The following LMOD2 variants were observed in gnomAD, a reference collection of about 807,000 sequenced individuals.
LMOD2 encodes the protein leiomodin-2.
A neutral mutation model predicts 41.7 loss-of-function variants in LMOD2; 27 were observed. That is an observed-to-expected ratio of 0.65 (90% confidence interval 0.48 to 0.89). The LOEUF is 0.89. Ranked by LOEUF, LMOD2 falls within the 40% of genes least tolerant of loss-of-function variation. The pLI, the probability that LMOD2 is intolerant of heterozygous loss-of-function variation, is 0.00. For synonymous variants in LMOD2, 251 were observed against 244.6 expected, an observed-to-expected ratio of 1.03 and a Z score of -0.25; for missense variants, 624 against 667.9, an observed-to-expected ratio of 0.93 and a Z score of 0.72.
Position 123,664,002 on chromosome 7 carries a change from G to T in LMOD2, c.*257G>T. 1 of 442,218 alleles carries T rather than the reference G, an allele frequency of 2.3e-6. No homozygotes were observed. Among genetic ancestry groups the T allele is most frequent in the South Asian group, 4.6e-5 (1 of 21,722 alleles). The allele number at this position is 442,218 out of a possible 1,614,324, so 27.4% of individuals were successfully genotyped here. On this transcript the variant is annotated 3_prime_UTR_variant, in exon 3 of 3. Transcript: ENST00000458573. Reference sequence around the variant, plus strand: ...ATTTAAAGATGCTCTTCCTATCTGTGGATGTGTTGGTAACTCCGAGTTGTA... The same window carrying T: ...ATTTAAAGATGCTCTTCCTATCTGTTGATGTGTTGGTAACTCCGAGTTGTA...
rs1409213172 is a variant in LMOD2 at position 123,663,084 on chromosome 7, C to G, written c.1498C>G (p.Leu500Val). The G allele has an allele frequency of 1.5e-5, 24 of 1,559,830 alleles. No homozygotes were observed. Among genetic ancestry groups the G allele is most frequent in the Middle Eastern group, 1.7e-4 (1 of 6,030 alleles). ...NSILKEIKNS[L>V]RSVQEKKMED... ...TATTCTAAAGGAAATAAAAAATTCT[C>G]TGAGGTCAGTGCAAGAGAAGAAAAT... Residue 500 changes from leucine to valine, a missense_variant, in exon 2 of 3, where the codon CTG (leucine) becomes GTG (valine). Transcript: ENST00000458573.
chr7:123,662,160 C>T lies in LMOD2; in HGVS notation c.574C>T (p.Pro192Ser), dbSNP rs1231882800. ...CACAGAGTCCCCAGCTGCCATTCACCCTTGTGGAAATCCTACAGTGATTGA... is the reference window on the plus strand; with the variant it reads ...CACAGAGTCCCCAGCTGCCATTCACTCTTGTGGAAATCCTACAGTGATTGA... ...RNTESPAAIH[P>S]CGNPTVIEDA... is the part of the protein sequence containing the mutation. Residue 192 changes from proline (P) to serine (S), a missense_variant, in exon 2 of 3, where the codon CCT becomes TCT. Transcript: ENST00000458573. The surrounding 1 kb of genome is among the most constrained non-coding windows in gnomAD (Gnocchi z 4.0). 6.2e-7 allele frequency: 1 copy of T among 1,613,778 alleles called. No individual in the cohort carries two copies. Among genetic ancestry groups the T allele is most frequent in the Non-Finnish European group, 8.5e-7 (1 of 1,179,818 alleles).
At chr7:123,663,459 C>T (rs1284577718) in intron 2 of LMOD2, 6 of 605,022 alleles carry the variant, frequency 9.9e-6, no homozygotes, top group Non-Finnish European at 1.7e-5. Flanking sequence ...ATACACGTCC[C>T]AATTCCCTTA....
chr7:123,656,213 G>A lies in LMOD2; in HGVS notation c.250G>A (p.Glu84Lys). ...GGAGTCCCAAAAACTCTTGGAGAAG[G>A]AGAGGCTGGGGGAATGTGGAAAGGT... Reference protein sequence around the residue: ...EKESQKLLEKERLGECGKVAE... With the variant: ...EKESQKLLEKKRLGECGKVAE... Residue 84 changes from glutamate to lysine, a missense_variant, in exon 1 of 3, where the codon GAG becomes AAG. By Grantham distance (56) the Glu-to-Lys change is moderately conservative. Coordinates refer to ENST00000458573, the MANE Select transcript of LMOD2 (RefSeq NM_207163.3). 1 of 1,608,836 alleles carries A rather than the reference G, an allele frequency of 6.2e-7. No individual in the cohort carries two copies. The highest frequency in any genetic ancestry group is 8.5e-7 in the Non-Finnish European group (1 of 1,177,938).
rs1479712021 is a variant in LMOD2, at chr7:123,662,128, G to A, written c.542G>A (p.Gly181Glu). Residue 181 changes from glycine (G) to glutamate (E), a missense_variant, in exon 2 of 3, where the codon GGG (glycine) becomes GAG (glutamate). Physicochemically the swap from Gly to Glu is moderately conservative, Grantham distance 98. Coordinates refer to ENST00000458573, the MANE Select transcript of LMOD2 (RefSeq NM_207163.3). The surrounding 1 kb of genome is among the most constrained non-coding windows in gnomAD (Gnocchi z 4.0). Reference protein sequence around the residue: ...ENINLTNGSNGRNTESPAAIH... With the variant: ...ENINLTNGSNERNTESPAAIH... Reference sequence around the variant, plus strand: ...ATAAATTTGACCAATGGCAGCAATGGGAGGAACACAGAGTCCCCAGCTGCC... The same window carrying A: ...ATAAATTTGACCAATGGCAGCAATGAGAGGAACACAGAGTCCCCAGCTGCC... 6.2e-7 allele frequency: 1 copy of A among 1,613,210 alleles called. No homozygotes were observed.
intron 1 of LMOD2, among the ~76,000 whole-genome samples, chr7:123,657,010 C>G (rs75710640): frequency 6.6e-6 from 1 of 152,150 alleles, no homozygotes; most frequent in Non-Finnish European, 1.5e-5. Context: ...CATCTGAGGA[C>G]TCAGGGGCAG....
intron 1 of LMOD2, among the ~76,000 whole-genome samples, chr7:123,659,615 AGCAAATAATTATTGAGCTCCTACTACAT>A (rs1335530531): frequency 6.6e-6 from 1 of 152,198 alleles, no homozygotes; most frequent in Non-Finnish European, 1.5e-5. Flanking sequence ...CCATTCAGTA[AGCAAATAATTATTGAGCTCCTACTACAT>A]GCTAAGCACT....
chr7:123,658,465 C>T lies in LMOD2; in HGVS notation c.273+2229C>T, dbSNP rs147570844. On this transcript the variant is annotated intron_variant, in intron 1 of 2. Coordinates refer to ENST00000458573, the MANE Select transcript of LMOD2 (RefSeq NM_207163.3). ...CGGAGGGTCTTGATTGATTATCAGG[C>T]GGCTGGCTCTGTAAAGGCTTATAAA... Among the ~76,000 whole-genome samples, 559 of 152,272 alleles carry T rather than the reference C, an allele frequency of 3.7e-3. 3 individuals carry two copies. Among genetic ancestry groups the T allele is most frequent in the African/African-American group, 0.013 (535 of 41,556 alleles).
At position 123,655,876 on chromosome 7, in the gene LMOD2, C is replaced by T; in HGVS notation, c.-88C>T. On this transcript the variant is annotated 5_prime_UTR_variant, in exon 1 of 3. Transcript: ENST00000458573. Reference sequence around the variant, plus strand: ...GCCACTCCTAGCACCAGTTGTTGACCAGCCTGCCACTTGCCTCCCTGCCTG... The same window carrying T: ...GCCACTCCTAGCACCAGTTGTTGACTAGCCTGCCACTTGCCTCCCTGCCTG... 8.0e-7 allele frequency: 1 copy of T among 1,253,742 alleles called. No individual in the cohort carries two copies. Among genetic ancestry groups the T allele is most frequent in the African/African-American group, 1.5e-5 (1 of 67,436 alleles). The allele number at this position is 1,253,742 out of a possible 1,614,324, so 77.7% of individuals were successfully genotyped here.
Position 123,664,112 on chromosome 7 carries a change from T to C in LMOD2, c.*367T>C, listed in dbSNP as rs564005258. ...TTCCCTTTTTTTAAAGCCAAACTAA[T>C]ATTTTTCTGTGACTTGATACATCTG... On this transcript the variant is annotated 3_prime_UTR_variant, in exon 3 of 3. Coordinates refer to ENST00000458573, the MANE Select transcript of LMOD2 (RefSeq NM_207163.3). 1.2e-3 allele frequency: 235 copies of C among 194,392 alleles called. 1 individual carries two copies. Among genetic ancestry groups the C allele is most frequent in the African/African-American group, 5.0e-3 (216 of 43,126 alleles). The allele number at this position is 194,392 out of a possible 1,614,324, so 12.0% of individuals were successfully genotyped here.
At chr7:123,661,056 T>C (rs368802937) in intron 1 of LMOD2, among the ~76,000 whole-genome samples, 5 of 152,178 alleles carry the variant, frequency 3.3e-5, no homozygotes, top group East Asian at 3.9e-4. Flanking sequence ...AGGTTTCAAG[T>C]TGATTTTCCC....
chr7:123,662,852 T>TCCTCCTCCC lies in LMOD2; in HGVS notation c.1275_1283dup (p.Pro431_Pro433dup), dbSNP rs751180656. ...CTCTGTCTCCTGTGGCCACACCTCC[T>TCCTCCTCCC]CCTCCTCCCCCTCCTCCTCCTCCTC... is the stretch of plus-strand genomic sequence containing the variant. On this transcript the variant is annotated inframe_insertion, in exon 2 of 3. Transcript: ENST00000458573. This position sits in a 1 kb window ranked among gnomAD's most constrained non-coding sequence, Gnocchi z 4.0. 1.9e-6 allele frequency: 3 copies of TCCTCCTCCC among 1,596,066 alleles called. No homozygotes were observed. Among genetic ancestry groups the TCCTCCTCCC allele is most frequent in the Non-Finnish European group, 2.6e-6 (3 of 1,171,740 alleles).
rs371400622 is a variant in LMOD2, at chr7:123,656,021, G to A, written c.58G>A (p.Glu20Lys). The A allele has an allele frequency of 6.2e-7, 1 of 1,609,902 alleles. No homozygotes were observed. Among genetic ancestry groups the A allele is most frequent in the African/African-American group, 1.3e-5 (1 of 74,874 alleles). Residue 20 changes from glutamate (E) to lysine (K), a missense_variant, in exon 1 of 3, where the codon GAA (glutamate) becomes AAA (lysine). Coordinates refer to ENST00000458573, the MANE Select transcript of LMOD2 (RefSeq NM_207163.3). Reference sequence around the variant, plus strand: ...TAAATACGAATCCATCGACGAGGATGAACTCCTCGCCTCCCTGTCAGCCGA... The same window carrying A: ...TAAATACGAATCCATCGACGAGGATAAACTCCTCGCCTCCCTGTCAGCCGA... ...LSKYESIDED[E>K]LLASLSAEEL...
chr7:123,657,165 G>C (rs1243973028), intron 1 of LMOD2, among the ~76,000 whole-genome samples: 2 of 151,998 alleles, frequency 1.3e-5, no homozygotes, highest in African/African-American at 4.8e-5. Context: ...TGCCAAATGA[G>C]TCAATACCAG....
At chr7:123,658,267 T>G (rs1802821848) in intron 1 of LMOD2, among the ~76,000 whole-genome samples, 1 of 152,170 alleles carries the variant, frequency 6.6e-6, no homozygotes, top group African/African-American at 2.4e-5. Context: ...CCCAGTACTT[T>G]CCCTGCTGGC....
chr7:123,658,371 G>C (rs1389366623), intron 1 of LMOD2, among the ~76,000 whole-genome samples: 1 of 152,228 alleles, frequency 6.6e-6, no homozygotes, highest in African/African-American at 2.4e-5. Context: ...TCGAGCAGCT[G>C]TTGGGTGGCT....
At chr7:123,656,609 C>CT (rs1383654978) in intron 1 of LMOD2, among the ~76,000 whole-genome samples, 2 of 152,010 alleles carry the variant, frequency 1.3e-5, no homozygotes, top group Non-Finnish European at 2.9e-5. Flanking sequence ...TAAATGTATA[C>CT]TTTTTTTTCA....
chr7:123,660,508 T>A (rs1481001109), intron 1 of LMOD2, among the ~76,000 whole-genome samples: 6 of 151,994 alleles, frequency 3.9e-5, no homozygotes, highest in Non-Finnish European at 5.9e-5. Context: ...TGATAGCAAC[T>A]GGGCAAACGA....
At chr7:123,656,325 C>T in intron 1 of LMOD2, 89 bp downstream of exon 1, 2 of 1,345,106 alleles carry the variant, frequency 1.5e-6, no homozygotes. Flanking sequence ...ACTTCTCAAT[C>T]CTCATCACTT....
Sources: gnomAD v4.1 joint callset for allele counts (sites outside exome capture counted in the v4.1 genomes callset) on GRCh38, gnomAD v4.1.1 for gene constraint, Gnocchi (gnomAD v3.1) non-coding constraint, MANE v1.5 for transcripts, NCBI Gene and HGNC (gene_info 2026-07-23, HGNC 2026-07-21) for gene names.